The following TBC1D32 variants were observed in gnomAD, a reference collection of about 807,000 sequenced individuals.
TBC1D32 encodes TBC1 domain family member 32.
TBC1D32 carries 151 observed loss-of-function variants against 170.3 expected under a neutral mutation model. The ratio of observed to expected loss-of-function variants is 0.89; its 90% confidence interval spans 0.78 to 1.01. TBC1D32 has a LOEUF of 1.01. Ranked by LOEUF, TBC1D32 falls within the 50% of genes least tolerant of loss-of-function variation. TBC1D32 has a pLI of 0.00. For synonymous variants in TBC1D32, 498 were observed against 488.0 expected (o/e 1.02, Z -0.27); for missense variants, 1,464 against 1,457.1 (o/e 1.00, Z -0.08).
At chr6:121,206,103 G>A (rs200631267) in intron 21 of TBC1D32, among the ~76,000 whole-genome samples, 20 of 151,844 alleles carry the variant, frequency 1.3e-4, no homozygotes, top group African/African-American at 4.3e-4. Context: ...CCAGCTACTC[G>A]GGAGGCTGAG....
At chr6:121,247,378 T>C (rs887661003) in intron 17 of TBC1D32, among the ~76,000 whole-genome samples, 1 of 150,916 alleles carries the variant, frequency 6.6e-6, no homozygotes, top group African/African-American at 2.4e-5. Context: ...TCCAAAGGCA[T>C]AAATCTCACA....
chr6:121,125,649 T>A (rs2128211630), intron 26 of TBC1D32, among the ~76,000 whole-genome samples: 1 of 152,118 alleles, frequency 6.6e-6, no homozygotes, highest in East Asian at 1.9e-4. Context: ...TGTGCACACA[T>A]CTCCTAGCAG....
In TBC1D32 at chr6:121,220,286, C is replaced by T. The variant is rs542236589; in HGVS notation, c.2481+2950G>A. ...TTCTTTAAGGAAATTAAAAGTGTTA[C>T]TCCAGGAAACACATGAATAATAACA... is the stretch of plus-strand genomic sequence containing the variant. On this transcript the variant is annotated intron_variant, in intron 21 of 31. Transcript: ENST00000398212. Among the ~76,000 whole-genome samples, 6 of 152,276 alleles carry T rather than the reference C, an allele frequency of 3.9e-5. No homozygotes were observed. In the East Asian group the frequency reaches 1.2e-3, roughly 29 times the overall value.
intron 30 of TBC1D32, chr6:121,095,862 T>C (rs1438879466): frequency 1.3e-5 from 2 of 152,188 alleles, no homozygotes; most frequent in Non-Finnish European, 1.5e-5. Context: ...TTTGCATCGA[T>C]ATTCATCAGG....
intron 3 of TBC1D32, among the ~76,000 whole-genome samples, chr6:121,311,732 A>G (rs1808241499): frequency 6.6e-6 from 1 of 152,090 alleles, no homozygotes; most frequent in Non-Finnish European, 1.5e-5. Context: ...CCTCAAAAAA[A>G]AAAAAAAAAA....
chr6:121,081,239 C>T (rs1256027875), intron 31 of TBC1D32, among the ~76,000 whole-genome samples: 1 of 152,136 alleles, frequency 6.6e-6, no homozygotes, highest in Non-Finnish European at 1.5e-5. Context: ...TAAAACTTAT[C>T]TACCAAAGGA....
At chr6:121,235,411 C>T (rs932998152) in intron 20 of TBC1D32, among the ~76,000 whole-genome samples, 7 of 152,048 alleles carry the variant, frequency 4.6e-5, no homozygotes, top group African/African-American at 7.2e-5. Flanking sequence ...TCTCCTTGGG[C>T]GAAGTTTGCT....
Position 121,310,833 on chromosome 6 carries a change from A to T in TBC1D32, c.510T>A (p.Cys170Ter). 1 of 1,587,274 alleles carries T rather than the reference A, an allele frequency of 6.3e-7. No individual in the cohort carries two copies. Residue 170 changes from cysteine (C) to a stop codon, truncating the protein, a stop_gained, in exon 4 of 32, where the codon TGT becomes TGA. Transcript: ENST00000398212. LOFTEE classifies it high-confidence loss of function. ...CTAAAATCAATTGTAATTTTCCTTG[A>T]CAAAATTTGTAACTCTGTAACACAA... ...DSSLNQSYKF[C>*]QGKLQLILDQ...
chr6:121,203,605 T>C (rs1221254681), intron 22 of TBC1D32, among the ~76,000 whole-genome samples: 2 of 151,358 alleles, frequency 1.3e-5, no homozygotes, highest in Non-Finnish European at 2.9e-5. Context: ...ATTTTAAGCC[T>C]TTTTAATTTT....
intron 13 of TBC1D32, among the ~76,000 whole-genome samples, 169 bp downstream of exon 13, chr6:121,283,649 A>C (rs1283920221): frequency 6.6e-6 from 1 of 151,926 alleles, no homozygotes; most frequent in Admixed American, 6.6e-5. Context: ...CAGTGAACAA[A>C]ATTAAATTTC....
chr6:121,185,411 C>T (rs761818991), intron 22 of TBC1D32, among the ~76,000 whole-genome samples: 3 of 152,084 alleles, frequency 2.0e-5, no homozygotes, highest in Non-Finnish European at 4.4e-5. Context: ...TGATGGAGTG[C>T]TATTGTGCAC....
At chr6:121,246,101 T>C (rs1477581247) in intron 17 of TBC1D32, among the ~76,000 whole-genome samples, 1 of 151,922 alleles carries the variant, frequency 6.6e-6, no homozygotes, top group Non-Finnish European at 1.5e-5. Context: ...CCTCAGTAAA[T>C]AAAATACTGG....
rs988618572 is a variant in TBC1D32, at chr6:121,146,518, G to A, written c.2773+13492C>T. Among the ~76,000 whole-genome samples the A allele has an allele frequency of 8.5e-5, 13 of 152,194 alleles. No individual in the cohort carries two copies. In the East Asian group the frequency reaches 2.1e-3, roughly 25 times the overall value. On this transcript the variant is annotated intron_variant, in intron 24 of 31. Transcript: ENST00000398212. ...TAGGAAACATGGCTATTAACTAAAC[G>A]AAGCATGGGGAAGGAGAAGAAGGTT...
intron 12 of TBC1D32, among the ~76,000 whole-genome samples, chr6:121,291,218 C>T (rs1234690856): frequency 6.6e-6 from 1 of 151,946 alleles, no homozygotes; most frequent in Non-Finnish European, 1.5e-5. Context: ...AGGCGGTGAT[C>T]AGTGCACAGT....
intron 17 of TBC1D32, among the ~76,000 whole-genome samples, chr6:121,243,196 TATGA>T (rs1489919352): frequency 2.0e-5 from 3 of 151,766 alleles, no homozygotes; most frequent in Non-Finnish European, 2.9e-5. Flanking sequence ...ACCCCAAACA[TATGA>T]ATATCTCAAA....
intron 29 of TBC1D32, among the ~76,000 whole-genome samples, chr6:121,109,733 A>T (rs1443117050): frequency 1.3e-5 from 2 of 152,142 alleles, no homozygotes; most frequent in Non-Finnish European, 2.9e-5. Flanking sequence ...TCAAAGGATA[A>T]TTTTTCAAAC....
Position 121,279,170 on chromosome 6 carries a change from CT to C in TBC1D32, c.1683del (p.Ile564PhefsTer9). ...GILARIASVE[E>X]GLILLLYGAN... ...GCTCCATAAAGGAGTAAAATAAGCC[CT>C]TCTTCTACAGATGCAATTCTTGCCA... is the stretch of plus-strand genomic sequence containing the variant. On this transcript the variant is annotated frameshift_variant, in exon 15 of 32. Coordinates refer to ENST00000398212, the MANE Select transcript of TBC1D32 (RefSeq NM_152730.6). LOFTEE classifies it high-confidence loss of function. 6.2e-7 allele frequency: 1 copy of C among 1,611,416 alleles called. No individual in the cohort carries two copies. Among genetic ancestry groups the C allele is most frequent in the Non-Finnish European group, 8.5e-7 (1 of 1,178,874 alleles).
intron 16 of TBC1D32, 40 bp downstream of exon 16, chr6:121,256,044 A>C (rs1355891523): frequency 6.5e-7 from 1 of 1,531,984 alleles, no homozygotes; most frequent in Admixed American, 1.9e-5. Flanking sequence ...TTTGAAATAA[A>C]GATTTGCAGG....
At chr6:121,115,662 T>C (rs1779613777) in intron 26 of TBC1D32, 2 of 153,350 alleles carry the variant, frequency 1.3e-5, no homozygotes, top group Admixed American at 6.5e-5. Context: ...TGTTCCACTT[T>C]TAATGTATGG....
Sources: allele counts gnomAD v4.1 joint callset (sites outside exome capture counted in the v4.1 genomes callset), GRCh38; gene constraint gnomAD v4.1.1; transcripts MANE v1.5; gene names NCBI Gene and HGNC (gene_info 2026-07-23, HGNC 2026-07-21).